PALM2AKAP2: variants seen among roughly 807,000 people sequenced by gnomAD.
PALM2AKAP2 encodes the protein PALM2-AKAP2 fusion protein.
PALM2AKAP2 carries 37 observed loss-of-function variants against 71.5 expected under a neutral mutation model. The ratio of observed to expected loss-of-function variants is 0.52; its 90% CI spans 0.40 to 0.68. The LOEUF is 0.68. Among genes scored for constraint, PALM2AKAP2 ranks in the 30% least tolerant of loss-of-function variants. The probability of loss-of-function intolerance (pLI) is 0.00; values close to 1 mark genes in which losing one functional copy is unlikely to be tolerated. For missense variants in PALM2AKAP2, 1,224 were observed against 1,191.8 expected (o/e 1.03, Z -0.40); for synonymous variants, 468 against 478.8 (o/e 0.98, Z 0.29).
chr9:109,902,868 T>C (rs563306615), intron 3 of PALM2AKAP2, among the ~76,000 whole-genome samples: 7 of 152,112 alleles, frequency 4.6e-5, no homozygotes, highest in Non-Finnish European at 8.8e-5. Flanking sequence ...GAAGAGAACA[T>C]GAAGGAGCAA....
chr9:109,666,891 G>A (rs1046756388), intron 1 of PALM2AKAP2, among the ~76,000 whole-genome samples: 1 of 152,208 alleles, frequency 6.6e-6, no homozygotes, highest in African/African-American at 2.4e-5. Flanking sequence ...GTGTGCAGGC[G>A]ACAGAAGCAA....
chr9:109,987,272 A>C (rs1246251197), intron 6 of PALM2AKAP2, among the ~76,000 whole-genome samples: 1 of 152,112 alleles, frequency 6.6e-6, no homozygotes, highest in Non-Finnish European at 1.5e-5. Context: ...CTGGGACTAC[A>C]GGTGTGCGCC....
chr9:109,747,877 C>T (rs899182070), intron 1 of PALM2AKAP2, among the ~76,000 whole-genome samples: 1 of 152,082 alleles, frequency 6.6e-6, no homozygotes, highest in African/African-American at 2.4e-5. Context: ...TGGCATGTTG[C>T]CCAGGCTGGT....
At chr9:109,858,099 A>G (rs778282629) in intron 1 of PALM2AKAP2, among the ~76,000 whole-genome samples, 7 of 152,178 alleles carry the variant, frequency 4.6e-5, no homozygotes, top group Non-Finnish European at 8.8e-5. Flanking sequence ...GCTGTATCTC[A>G]TTTCAATCCT....
intron 1 of PALM2AKAP2, among the ~76,000 whole-genome samples, chr9:109,788,392 G>A (rs1217990200): frequency 6.6e-6 from 1 of 152,184 alleles, no homozygotes; most frequent in South Asian, 2.1e-4. Context: ...CCATTTGACC[G>A]ATGTTTTTGT....
At chr9:109,880,498 C>A in intron 2 of PALM2AKAP2, 53 bp from the exon 3 acceptor site, 1 of 1,603,776 alleles carries the variant, frequency 6.2e-7, no homozygotes, top group Non-Finnish European at 8.5e-7. Context: ...AGGGAGAGGA[C>A]AGTGTGGACT....
At chr9:109,808,030 A>G (rs1434120196) in intron 1 of PALM2AKAP2, among the ~76,000 whole-genome samples, 2 of 152,222 alleles carry the variant, frequency 1.3e-5, no homozygotes, top group African/African-American at 4.8e-5. Flanking sequence ...CTGTGATTCA[A>G]TTAAATGTCT....
intron 7 of PALM2AKAP2, among the ~76,000 whole-genome samples, chr9:110,031,853 A>G (rs975081032): frequency 1.3e-5 from 2 of 152,150 alleles, no homozygotes; most frequent in African/African-American, 2.4e-5. Context: ...GTTTGCGTTC[A>G]TTCTTCCAAT....
intron 1 of PALM2AKAP2, among the ~76,000 whole-genome samples, chr9:109,691,889 TATATATATATATACAC>T (rs1564114933): frequency 2.2e-4 from 15 of 68,734 alleles, no homozygotes; most frequent in African/African-American, 8.0e-4. Context: ...CACATATATA[TATATATATATATACAC>T]ACACACATAT....
At chr9:109,883,905 G>A (rs1045562477) in intron 3 of PALM2AKAP2, among the ~76,000 whole-genome samples, 4 of 152,156 alleles carry the variant, frequency 2.6e-5, no homozygotes, top group African/African-American at 9.7e-5. Context: ...CTGGCAATGG[G>A]AGAGGTACAA....
rs113031699 is a variant in PALM2AKAP2, at chr9:109,977,722, G to C, written c.497-38232G>C. 9.1e-3 allele frequency among the ~76,000 whole-genome samples: 1,379 copies of C among 152,286 alleles called. 6 individuals are homozygous for C. The highest frequency in any genetic ancestry group is 0.016 in the South Asian group (78 of 4,824). ...AAGGGTGCCGCTGGTCTGCAAGCGTGACACATCAGGGCTTTAAATGCTACT... is the reference window on the plus strand; with the variant it reads ...AAGGGTGCCGCTGGTCTGCAAGCGTCACACATCAGGGCTTTAAATGCTACT... On this transcript the variant is annotated intron_variant, in intron 6 of 9. Transcript: ENST00000302798.
intron 3 of PALM2AKAP2, among the ~76,000 whole-genome samples, chr9:109,914,452 G>A (rs764366527): frequency 4.6e-5 from 7 of 152,186 alleles, no homozygotes; most frequent in Non-Finnish European, 8.8e-5. Context: ...TGAGAGAAGG[G>A]GAGGATGGAA....
chr9:109,945,141 A>G (rs1332200171), intron 6 of PALM2AKAP2: 1 of 152,098 alleles, frequency 6.6e-6, no homozygotes, highest in Non-Finnish European at 1.5e-5. Context: ...AATTATATTT[A>G]CTTCAATAGG....
At chr9:109,942,647 G>A (rs368492051) in intron 6 of PALM2AKAP2, 62 of 1,507,578 alleles carry the variant, frequency 4.1e-5, no homozygotes, top group East Asian at 6.9e-5. Context: ...GGCTTTTTTT[G>A]TTGTAACATG....
intron 6 of PALM2AKAP2, among the ~76,000 whole-genome samples, chr9:110,013,612 A>G (rs1452694160): frequency 3.9e-5 from 6 of 152,200 alleles, no homozygotes; most frequent in East Asian, 1.9e-4. Flanking sequence ...CTCTGACCCA[A>G]TTCCTGCAAC....
intron 1 of PALM2AKAP2, among the ~76,000 whole-genome samples, chr9:109,817,207 T>C (rs895183811): frequency 6.6e-6 from 1 of 152,236 alleles, no homozygotes; most frequent in Non-Finnish European, 1.5e-5. Flanking sequence ...AACATTCCAG[T>C]TGGCACTTTG....
intron 1 of PALM2AKAP2, among the ~76,000 whole-genome samples, chr9:110,096,287 A>G (rs905666788): frequency 2.6e-5 from 4 of 152,120 alleles, no homozygotes; most frequent in South Asian, 2.1e-4. Flanking sequence ...TTTATAAGAC[A>G]GGGTCTTGCT....
At chr9:109,965,997 G>A (rs370019852) in intron 6 of PALM2AKAP2, among the ~76,000 whole-genome samples, 24 of 152,218 alleles carry the variant, frequency 1.6e-4, no homozygotes, top group African/African-American at 5.1e-4. Context: ...AAGCTCCTGT[G>A]TGTGGTGATG....
upstream of PALM2AKAP2, chr9:109,780,406 CG>C (rs1369721519): frequency 1.2e-6 from 2 of 1,610,620 alleles, no homozygotes; most frequent in African/African-American, 2.7e-5. Context: ...CAAAGCCCCC[CG>C]GGGTGCCCAT....
Sources: allele counts gnomAD v4.1 joint callset (sites outside exome capture counted in the v4.1 genomes callset), GRCh38; gene constraint gnomAD v4.1.1; transcripts MANE v1.5; gene names NCBI Gene and HGNC (gene_info 2026-07-23, HGNC 2026-07-21).